The following DIAPH1 variants were observed in gnomAD, a reference collection of about 807,000 sequenced individuals.
The protein encoded by DIAPH1 is diaphanous related formin 1.
DIAPH1 carries 46 observed loss-of-function variants against 140.7 expected under a neutral mutation model. The ratio of observed to expected loss-of-function variants is 0.33; its 90% CI spans 0.26 to 0.42. DIAPH1 has a LOEUF of 0.42. Ranked by LOEUF, DIAPH1 falls within the 10% of genes least tolerant of loss-of-function variation. The pLI is 1.00. For missense variants in DIAPH1, 1,310 were observed against 1,558.7 expected, an observed-to-expected ratio of 0.84 and a Z score of 2.69; for synonymous variants, 565 against 551.6, an observed-to-expected ratio of 1.02 and a Z score of -0.34.
At chr5:141,530,488 C>T (rs1341522620) in intron 19 of DIAPH1, among the ~76,000 whole-genome samples, 5 of 152,276 alleles carry the variant, frequency 3.3e-5, no homozygotes, top group South Asian at 2.1e-4. Context: ...TAGGCTGATG[C>T]GGACTGGAGT....
In DIAPH1 at chr5:141,614,301, C is replaced by A. The variant is rs186403127; in HGVS notation, c.117+4497G>T. ...ATTATTTTAACCTGTTCTTCTAAAT[C>A]ATATGTGACATACAACTTATCTTTT... On this transcript the variant is annotated intron_variant, in intron 1 of 27. Transcript: ENST00000389054. Among the ~76,000 whole-genome samples, 404 of 152,156 alleles carry A rather than the reference C, an allele frequency of 2.7e-3. 2 individuals carry two copies. Among genetic ancestry groups the A allele is most frequent in the Non-Finnish European group, 4.8e-3 (323 of 67,998 alleles).
intron 1 of DIAPH1, among the ~76,000 whole-genome samples, chr5:141,603,283 T>C (rs2099900447): frequency 6.6e-6 from 1 of 152,194 alleles, no homozygotes; most frequent in Non-Finnish European, 1.5e-5. Context: ...AACTCATTAG[T>C]TCCACAATGT....
chr5:141,613,673 T>C (rs1039134571), intron 1 of DIAPH1, among the ~76,000 whole-genome samples: 1 of 152,228 alleles, frequency 6.6e-6, no homozygotes, highest in Non-Finnish European at 1.5e-5. Flanking sequence ...AGAGTTATCT[T>C]GTAATCAGTG....
At chr5:141,587,302 C>T (rs1596392616) in intron 2 of DIAPH1, 105 bp from the exon 3 acceptor site, 3 of 1,198,630 alleles carry the variant, frequency 2.5e-6, no homozygotes, top group Non-Finnish European at 3.6e-6. Context: ...CATGGTTCCT[C>T]TGGTTCACAA....
chr5:141,529,803 GC>G, intron 19 of DIAPH1, 106 bp from the exon 20 acceptor site: 1 of 985,942 alleles, frequency 1.0e-6, no homozygotes, highest in Non-Finnish European at 1.6e-6. Context: ...GCTCTTTTAG[GC>G]CAGGCACAGT....
chr5:141,539,217 C>T (rs1157923897), intron 18 of DIAPH1, among the ~76,000 whole-genome samples: 4 of 151,560 alleles, frequency 2.6e-5, no homozygotes, highest in Admixed American at 1.3e-4. Context: ...GCGGAGGTTG[C>T]AGTGAGTGGA....
rs570948765 is a variant in DIAPH1 at position 141,534,601 on chromosome 5, T to A, written c.2483-168A>T. The A allele has an allele frequency of 8.6e-5, 55 of 636,430 alleles. No homozygotes were observed. In the East Asian group the frequency reaches 1.4e-3, roughly 16 times the overall value. 39.4% of individuals were successfully genotyped at this position (636,430 alleles called of 1,614,324 possible). A position where few individuals can be genotyped will look rare whatever the true frequency, so the allele number is the denominator to read the frequency against. ...CTTCAACCAACCACCCTTTTATTAC[T>A]GAACCTCCCCCAACTCTAATAAATA... On this transcript the variant is annotated intron_variant, in intron 18 of 27. Coordinates refer to ENST00000389054, the MANE Select transcript of DIAPH1 (RefSeq NM_005219.5).
At chr5:141,582,170 G>A (rs780027494) in intron 7 of DIAPH1, 142 bp downstream of exon 7, 2 of 680,512 alleles carry the variant, frequency 2.9e-6, no homozygotes, top group Non-Finnish European at 5.4e-6. Context: ...TGTATATGTG[G>A]CAATGAAAAA....
chr5:141,557,401 G>C (rs1457345683), intron 18 of DIAPH1, among the ~76,000 whole-genome samples: 2 of 151,952 alleles, frequency 1.3e-5, no homozygotes, highest in Admixed American at 1.3e-4. Flanking sequence ...TGGACATAGG[G>C]GTGTTCATAC....
chr5:141,516,898 G>T lies in DIAPH1; in HGVS notation c.3772C>A (p.Pro1258Thr), dbSNP rs751282493. The T allele has an allele frequency of 1.2e-6, 2 of 1,614,202 alleles. No individual in the cohort carries two copies. The highest frequency in any genetic ancestry group is 1.7e-5 in the Admixed American group (1 of 60,030). ...TCCTTGGCTTCCTCAAGGATTGTGGGGAATGTCTCACTGTTCTTGGACACC... is the reference window on the plus strand; with the variant it reads ...TCCTTGGCTTCCTCAAGGATTGTGGTGAATGTCTCACTGTTCTTGGACACC... ...AKVSKNSETF[P>T]TILEEAKELV... The change falls in exon 28 of 28, where the codon CCC becomes ACC. Residue 1258 changes from proline to threonine, a missense_variant. Physicochemically the swap from Pro to Thr is conservative, Grantham distance 38. Around this residue, in one of 3 missense-constraint regions of DIAPH1, gnomAD observed 344 missense variants for 512.2 expected, o/e 0.67. Coordinates refer to ENST00000389054, the MANE Select transcript of DIAPH1 (RefSeq NM_005219.5).
intron 18 of DIAPH1, among the ~76,000 whole-genome samples, chr5:141,543,806 T>C (rs2099890372): frequency 6.6e-6 from 1 of 152,210 alleles, no homozygotes; most frequent in Admixed American, 6.5e-5. Context: ...AAAATGGGAT[T>C]GTATACTTTA....
Position 141,574,179 on chromosome 5 carries a change from A to G in DIAPH1, c.1671T>C (p.Asp557=), listed in dbSNP as rs757335393. Residue 557 remains aspartate, a synonymous_variant, in exon 16 of 28, where the codon GAT becomes GAC. Transcript: ENST00000389054. ...EVAKLTKELE[D]AKKEMASLSA... ...AGAGGGAAGCCATTTCTTTCTTGGC[A>G]TCTTCCAGTTCCTTTGTCAGCTTGG... 6.2e-7 allele frequency: 1 copy of G among 1,614,140 alleles called. No homozygotes were observed. The highest frequency in any genetic ancestry group is 8.5e-7 in the Non-Finnish European group (1 of 1,180,022).
At position 141,551,690 on chromosome 5, in the gene DIAPH1, C is replaced by T. The variant is rs2154595649; in HGVS notation, c.2483-17257G>A. ...TCAAAAGAAAAAATATAAAATAAAA[C>T]CAAATAGTACAATGCCTACTCCATA... On this transcript the variant is annotated intron_variant, in intron 18 of 27. Coordinates refer to ENST00000389054, the MANE Select transcript of DIAPH1 (RefSeq NM_005219.5). 2.0e-5 allele frequency among the ~76,000 whole-genome samples: 3 copies of T among 152,150 alleles called. No homozygotes were observed. In the South Asian group the frequency reaches 6.2e-4, roughly 32 times the overall value.
chr5:141,586,348 TA>T (rs1453031655), intron 3 of DIAPH1, among the ~76,000 whole-genome samples: 1 of 152,214 alleles, frequency 6.6e-6, no homozygotes, highest in Non-Finnish European at 1.5e-5. Flanking sequence ...ATTTTAAACC[TA>T]AGCTTTTAAT....
At chr5:141,605,473 A>G (rs1015164658) in intron 1 of DIAPH1, among the ~76,000 whole-genome samples, 1 of 152,240 alleles carries the variant, frequency 6.6e-6, no homozygotes, top group Non-Finnish European at 1.5e-5. Flanking sequence ...AAAGCAAAAC[A>G]TCATCATCCA....
intron 18 of DIAPH1, among the ~76,000 whole-genome samples, chr5:141,569,181 T>TA (rs1289995697): frequency 3.3e-5 from 5 of 152,148 alleles, no homozygotes; most frequent in African/African-American, 1.2e-4. Flanking sequence ...GGCAAGTACA[T>TA]ACACACTTCC....
In DIAPH1 at chr5:141,516,813, G is replaced by T. The variant is rs368620770; in HGVS notation, c.*38C>A. ...CATGCTGCAGGGCAGGACAGTCTGC[G>T]GCTCCGCTGAGGAGCTGCCGCGGTC... On this transcript the variant is annotated 3_prime_UTR_variant, in exon 28 of 28. Coordinates refer to ENST00000389054, the MANE Select transcript of DIAPH1 (RefSeq NM_005219.5). 8 of 1,612,564 alleles carry T rather than the reference G, an allele frequency of 5.0e-6. No individual in the cohort carries two copies. The highest frequency in any genetic ancestry group is 6.8e-6 in the Non-Finnish European group (8 of 1,179,658).
chr5:141,584,960 G>GTTT (rs796123999), intron 3 of DIAPH1, among the ~76,000 whole-genome samples: 1 of 145,084 alleles, frequency 6.9e-6, no homozygotes. Flanking sequence ...TTCCTGGTGG[G>GTTT]TTTTTTTTTT....
rs1204415031 is a variant in DIAPH1, at chr5:141,527,706, A to AAAAAAAAAAAAAAAAAAC, written c.3149-10_3149-9insGTTTTTTTTTTTTTTTTT. Reference sequence around the variant, plus strand: ...CAAGTTTTCAGCAGAAACTAAAAAAAAAAAAAAAAAAAAAAACCATAAAAA... The same window carrying AAAAAAAAAAAAAAAAAAC: ...CAAGTTTTCAGCAGAAACTAAAAAAAAAAAAAAAAAAAAAAAACAAAAAAAAAAAAAAAACCATAAAAA... On this transcript the variant is annotated splice_polypyrimidine_tract_variant and intron_variant, in intron 23 of 27. Coordinates refer to ENST00000389054, the MANE Select transcript of DIAPH1 (RefSeq NM_005219.5). 6.4e-7 allele frequency: 1 copy of AAAAAAAAAAAAAAAAAAC among 1,561,796 alleles called. No homozygotes were observed. The highest frequency in any genetic ancestry group is 8.7e-7 in the Non-Finnish European group (1 of 1,154,682).
Sources: allele counts gnomAD v4.1 joint callset (sites outside exome capture counted in the v4.1 genomes callset), GRCh38; gene constraint gnomAD v4.1.1; regional missense constraint gnomAD v4.1.1; transcripts MANE v1.5; gene names NCBI Gene and HGNC (gene_info 2026-07-23, HGNC 2026-07-21).